Variants in CRPPA observed in about 807,000 individuals in gnomAD.
CRPPA encodes CDP-L-ribitol pyrophosphorylase A, also known as D-ribitol-5-phosphate cytidylyltransferase.
A neutral mutation model predicts 52.0 loss-of-function variants in CRPPA; 43 were observed. The observed-to-expected ratio is 0.83, with a 90% CI of 0.65 to 1.07. CRPPA has a LOEUF of 1.07. Ranked by LOEUF, CRPPA falls within the 50% of genes least tolerant of loss-of-function variation. CRPPA has a pLI of 0.00. For missense variants in CRPPA, 629 were observed against 551.7 expected (o/e 1.14, Z -1.40); for synonymous variants, 250 against 203.5 (o/e 1.23, Z -1.94).
At chr7:16,383,087 G>T (rs1225237277) in intron 2 of CRPPA, among the ~76,000 whole-genome samples, 2 of 152,152 alleles carry the variant, frequency 1.3e-5, no homozygotes, top group Non-Finnish European at 2.9e-5. Context: ...AGAGTTTCCA[G>T]TTTTTCTGCT....
chr7:16,295,585 A>C (rs1260258771), intron 5 of CRPPA, among the ~76,000 whole-genome samples: 1 of 152,110 alleles, frequency 6.6e-6, no homozygotes, highest in East Asian at 1.9e-4. Flanking sequence ...TGAAGAATGG[A>C]GGTAGAAAAT....
At chr7:16,169,802 C>T (rs1527206) in intron 9 of CRPPA, among the ~76,000 whole-genome samples, 75,297 of 152,028 alleles carry the variant, frequency 0.5, 19,021 homozygotes, top group East Asian at 0.76. Context: ...TTTCCAACAA[C>T]AGTTGTTTTG....
chr7:16,147,416 T>C (rs150901615), intron 9 of CRPPA, among the ~76,000 whole-genome samples: 3 of 152,272 alleles, frequency 2.0e-5, no homozygotes, highest in South Asian at 2.1e-4. Flanking sequence ...CTGATATAAT[T>C]ATGTGTGGTT....
intron 9 of CRPPA, among the ~76,000 whole-genome samples, chr7:16,096,670 C>T (rs1359713690): frequency 6.6e-6 from 1 of 152,118 alleles, no homozygotes; most frequent in Non-Finnish European, 1.5e-5. Flanking sequence ...TGATCTCAAA[C>T]TCCTAGGCTT....
chr7:16,324,232 G>A (rs1785327223), intron 3 of CRPPA, among the ~76,000 whole-genome samples: 1 of 152,220 alleles, frequency 6.6e-6, no homozygotes, highest in Non-Finnish European at 1.5e-5. Context: ...TGAGAGCTAA[G>A]ATGTGGTCCC....
chr7:16,293,926 T>A (rs1483218008), intron 5 of CRPPA, among the ~76,000 whole-genome samples: 1 of 151,916 alleles, frequency 6.6e-6, no homozygotes, highest in Non-Finnish European at 1.5e-5. Flanking sequence ...CATATGACTG[T>A]TTTCTAACTA....
At chr7:16,320,036 A>G (rs1785224856) in intron 3 of CRPPA, among the ~76,000 whole-genome samples, 1 of 152,142 alleles carries the variant, frequency 6.6e-6, no homozygotes, top group Admixed American at 6.5e-5. Context: ...GCCTTCTCCA[A>G]GCTGCATCTG....
At chr7:16,094,902 G>C (rs563949406) in intron 9 of CRPPA, among the ~76,000 whole-genome samples, 1 of 152,134 alleles carries the variant, frequency 6.6e-6, no homozygotes, top group South Asian at 2.1e-4. Context: ...ACAGCCAAGA[G>C]GTGTCTGAAG....
rs1024136564 is a variant in CRPPA at position 16,407,935 on chromosome 7, C to T, written c.258-1598G>A. Among the ~76,000 whole-genome samples, 23 of 151,780 alleles carry T rather than the reference C, an allele frequency of 1.5e-4. No individual in the cohort carries two copies. In the South Asian group the frequency reaches 3.5e-3, roughly 23 times the overall value. On this transcript the variant is annotated intron_variant, in intron 1 of 9. Transcript: ENST00000407010. ...CAGCCTGGCCAACATAGTGAAACTC[C>T]GTCTCTACCAAAAATATAAAAAATC... is the stretch of plus-strand genomic sequence containing the variant.
At chr7:16,383,700 C>T (rs1411021546) in intron 2 of CRPPA, among the ~76,000 whole-genome samples, 1 of 152,254 alleles carries the variant, frequency 6.6e-6, no homozygotes, top group African/African-American at 2.4e-5. Context: ...TGGGCAATGG[C>T]AGGCGCCCCT....
chr7:16,198,089 T>C (rs1781775912), intron 9 of CRPPA, among the ~76,000 whole-genome samples: 1 of 89,106 alleles, frequency 1.1e-5, no homozygotes, highest in Non-Finnish European at 2.2e-5. Context: ...TAGTCTGAAA[T>C]ATGGCCTCGT....
chr7:16,314,072 G>A (rs1008915648), intron 3 of CRPPA, among the ~76,000 whole-genome samples: 1 of 151,892 alleles, frequency 6.6e-6, no homozygotes, highest in Admixed American at 6.6e-5. Flanking sequence ...TCTGCCTGTG[G>A]ATCTGCCCAT....
intron 2 of CRPPA, among the ~76,000 whole-genome samples, chr7:16,401,746 C>G (rs1787822069): frequency 6.6e-6 from 1 of 152,166 alleles, no homozygotes; most frequent in Non-Finnish European, 1.5e-5. Flanking sequence ...CTCATTGCCA[C>G]TTCTTTATCT....
rs1781740563 is a variant in CRPPA at position 16,088,410 on chromosome 7, C to CCCTTTT, written c.*3284_*3285insAAAAGG. 1.8e-5 allele frequency: 2 copies of CCCTTTT among 108,846 alleles called. No homozygotes were observed. Among genetic ancestry groups the CCCTTTT allele is most frequent in the Non-Finnish European group, 4.0e-5 (2 of 50,008 alleles). The allele number at this position is 108,846 out of a possible 1,614,324, so 6.7% of individuals were successfully genotyped here. A position where few individuals can be genotyped will look rare whatever the true frequency, so the allele number is the denominator to read the frequency against. ...TAACTGTAAAGTTACCTCTGGATCT[C>CCCTTTT]TCTTTTTTTTTTTTTTTTTTTTTTT... is the stretch of plus-strand genomic sequence containing the variant. On this transcript the variant is annotated 3_prime_UTR_variant, in exon 10 of 10. Coordinates refer to ENST00000407010, the MANE Select transcript of CRPPA (RefSeq NM_001101426.4).
chr7:16,290,863 A>C (rs1185478721), intron 5 of CRPPA, among the ~76,000 whole-genome samples: 1 of 152,036 alleles, frequency 6.6e-6, no homozygotes, highest in African/African-American at 2.4e-5. Context: ...TGTTGAATAC[A>C]AGAAGATATT....
intron 7 of CRPPA, 110 bp downstream of exon 7, chr7:16,258,810 G>A (rs1233608503): frequency 2.0e-5 from 12 of 614,308 alleles, no homozygotes; most frequent in South Asian, 8.4e-5. Context: ...CTCCAAAAAT[G>A]TGTAGAAGAA....
intron 6 of CRPPA, among the ~76,000 whole-genome samples, chr7:16,265,605 G>T (rs1783932858): frequency 6.6e-6 from 1 of 152,184 alleles, no homozygotes; most frequent in Non-Finnish European, 1.5e-5. Context: ...TAGCATTCAT[G>T]TTTTGGGTCA....
At chr7:16,367,282 G>T (rs940587847) in intron 3 of CRPPA, among the ~76,000 whole-genome samples, 6 of 152,106 alleles carry the variant, frequency 3.9e-5, no homozygotes, top group Admixed American at 3.3e-4. Context: ...TTCCCCTGAG[G>T]CTCTTCCTTA....
intron 2 of CRPPA, among the ~76,000 whole-genome samples, chr7:16,378,366 T>C (rs1174305447): frequency 4.0e-5 from 6 of 149,788 alleles, no homozygotes; most frequent in African/African-American, 1.5e-4. Context: ...CGGTGTTTGG[T>C]TTTTTGTACT....
Sources: gnomAD v4.1 joint callset for allele counts (sites outside exome capture counted in the v4.1 genomes callset) on GRCh38, gnomAD v4.1.1 for gene constraint, MANE v1.5 for transcripts, NCBI Gene and HGNC (gene_info 2026-07-23, HGNC 2026-07-21) for gene names.